The following ZFYVE16 variants were observed in gnomAD, a reference collection of about 807,000 sequenced individuals.
ZFYVE16 encodes the protein zinc finger FYVE domain-containing protein 16.
Under a neutral mutation model 138.1 loss-of-function variants are expected in ZFYVE16, and 89 were observed. That is an observed-to-expected ratio of 0.64 (90% CI 0.54 to 0.77). The LOEUF (loss-of-function observed/expected upper bound fraction) is 0.77. ZFYVE16 is among the 30% of genes least tolerant of loss of function. ZFYVE16 has a pLI of 0.00. For synonymous variants in ZFYVE16, 596 were observed against 618.3 expected (o/e 0.96, Z 0.53); for missense variants, 1,793 against 1,786.7 (o/e 1.00, Z -0.06).
chr5:80,450,586 G>C lies in ZFYVE16; in HGVS notation c.3382G>C (p.Gly1128Arg). The C allele has an allele frequency of 1.9e-6, 3 of 1,612,482 alleles. No homozygotes were observed. Among genetic ancestry groups the C allele is most frequent in the Non-Finnish European group, 2.5e-6 (3 of 1,179,368 alleles). ...FITIYKDALK[G>R]KYIENLDNIT... ...CACCATATATAAGGATGCTCTAAAA[G>C]GTATGGCATTTTATTTTGAACTGTT... The change falls in exon 10 of 19, where the codon GGA (glycine) becomes CGA (arginine). Residue 1128 changes from glycine (G) to arginine (R), a missense_variant and splice_region_variant. Transcript: ENST00000505560.
chr5:80,445,245 T>C lies in ZFYVE16; in HGVS notation c.2582-18T>C, dbSNP rs373666928. ...ATATTACCAGATTCAAATGTTTTAC[T>C]TTTTCAATTGATTCTAGGACTATGT... On this transcript the variant is annotated intron_variant, in intron 6 of 18. Coordinates refer to ENST00000505560, the MANE Select transcript of ZFYVE16 (RefSeq NM_001284236.3). 3.7e-6 allele frequency: 6 copies of C among 1,603,536 alleles called. No individual in the cohort carries two copies. Among genetic ancestry groups the C allele is most frequent in the Non-Finnish European group, 5.1e-6 (6 of 1,176,412 alleles).
At chr5:80,422,240 C>G (rs917643284) in intron 1 of ZFYVE16, among the ~76,000 whole-genome samples, 3 of 152,048 alleles carry the variant, frequency 2.0e-5, no homozygotes, top group Non-Finnish European at 4.4e-5. Flanking sequence ...CTTTTCTTGT[C>G]TTATTGCGCT....
Position 80,477,260 on chromosome 5 carries a change from G to A in ZFYVE16, c.4503G>A (p.Gln1501=), listed in dbSNP as rs1372514403. The A allele has an allele frequency of 6.2e-6, 10 of 1,604,818 alleles. No homozygotes were observed. Among genetic ancestry groups the A allele is most frequent in the Non-Finnish European group, 8.5e-6 (10 of 1,177,532 alleles). ...GATCTGAAGGCCAACTTCTGCCTCA[G>A]CATTATCTAAATGATCTTGATAGTG... ...QAGSEGQLLP[Q]HYLNDLDSAL... The change falls in exon 19 of 19, where the codon CAG becomes CAA. Residue 1501 remains glutamine, a synonymous_variant. Transcript: ENST00000505560.
chr5:80,455,827 G>A, intron 12 of ZFYVE16, 53 bp downstream of exon 12: 2 of 1,426,252 alleles, frequency 1.4e-6, no homozygotes, highest in Non-Finnish European at 1.9e-6. Flanking sequence ...CTTTAAAACT[G>A]TATTTAGCAA....
intron 11 of ZFYVE16, among the ~76,000 whole-genome samples, chr5:80,453,522 A>C (rs1752198772): frequency 6.6e-6 from 1 of 152,196 alleles, no homozygotes; most frequent in South Asian, 2.1e-4. Context: ...GGCTTATCAT[A>C]AATCACGGGG....
At chr5:80,436,160 G>A (rs1749875104) in intron 3 of ZFYVE16, among the ~76,000 whole-genome samples, 1 of 152,292 alleles carries the variant, frequency 6.6e-6, no homozygotes, top group African/African-American at 2.4e-5. Flanking sequence ...CAAATTTGGA[G>A]TAACAGGAGA....
rs761566003 is a variant in ZFYVE16 at position 80,448,293 on chromosome 5, T to C, written c.2992T>C (p.Tyr998His). ...SNLPIASISD[Y>H]RLLCDINKYV... ...TTTACCTATTGCTAGTATTTCAGAT[T>C]ATAGGTTACTGTGTGATATTAACAA... Residue 998 changes from tyrosine to histidine, a missense_variant, in exon 8 of 19, where the codon TAT becomes CAT. By Grantham distance (83) the Tyr-to-His change is moderately conservative (BLOSUM62 2). Coordinates refer to ENST00000505560, the MANE Select transcript of ZFYVE16 (RefSeq NM_001284236.3). 1.2e-6 allele frequency: 2 copies of C among 1,613,284 alleles called. No homozygotes were observed. Among genetic ancestry groups the C allele is most frequent in the Non-Finnish European group, 1.7e-6 (2 of 1,179,906 alleles).
intron 1 of ZFYVE16, among the ~76,000 whole-genome samples, chr5:80,424,291 AT>A (rs1747677106): frequency 6.6e-6 from 1 of 152,120 alleles, no homozygotes; most frequent in Non-Finnish European, 1.5e-5. Flanking sequence ...CCTTGCTTGA[AT>A]TTTAAGATTT....
intron 15 of ZFYVE16, among the ~76,000 whole-genome samples, chr5:80,472,099 A>G (rs2112547500): frequency 6.6e-6 from 1 of 152,120 alleles, no homozygotes; most frequent in Middle Eastern, 3.4e-3. Context: ...TTTAAGCCTC[A>G]TCTAGTCTCA....
chr5:80,443,337 T>G (rs1434002416), intron 6 of ZFYVE16, 53 bp downstream of exon 6: 2 of 1,560,830 alleles, frequency 1.3e-6, no homozygotes, highest in African/African-American at 2.8e-5. Flanking sequence ...GAAATAGAAA[T>G]TCTCTAATGT....
chr5:80,446,422 A>T (rs912365002), intron 7 of ZFYVE16, among the ~76,000 whole-genome samples: 13 of 152,074 alleles, frequency 8.5e-5, no homozygotes, highest in African/African-American at 7.2e-5. Context: ...TTTATGAAAA[A>T]TTTTTTTCAG....
intron 16 of ZFYVE16, 115 bp from the exon 17 acceptor site, chr5:80,473,639 A>G: frequency 1.6e-6 from 1 of 640,608 alleles, no homozygotes; most frequent in Non-Finnish European, 2.6e-6. Context: ...TTTTGTATAT[A>G]ATTGACATAT....
At chr5:80,451,072 A>G (rs1226486292) in intron 10 of ZFYVE16, among the ~76,000 whole-genome samples, 2 of 152,144 alleles carry the variant, frequency 1.3e-5, no homozygotes, top group Non-Finnish European at 2.9e-5. Flanking sequence ...TCAGTCTCCC[A>G]AAGTGCTGGG....
intron 10 of ZFYVE16, among the ~76,000 whole-genome samples, chr5:80,451,091 C>CA (rs1459963132): frequency 1.3e-5 from 2 of 152,160 alleles, no homozygotes; most frequent in African/African-American, 4.8e-5. Context: ...GGATTACAGG[C>CA]ATGAGCCACT....
At chr5:80,455,807 T>C (rs1752471737) in intron 12 of ZFYVE16, 33 bp downstream of exon 12, 1 of 1,515,396 alleles carries the variant, frequency 6.6e-7, no homozygotes, top group African/African-American at 1.4e-5. Context: ...TAGGTATTTT[T>C]ATACTGTTAC....
At chr5:80,441,394 G>A in intron 5 of ZFYVE16, 3 of 985,294 alleles carry the variant, frequency 3.0e-6, no homozygotes, top group Non-Finnish European at 3.6e-6. Context: ...AGCTTATTTA[G>A]TTATCTGTTC....
chr5:80,455,519 G>A (rs1265067936), intron 11 of ZFYVE16, 173 bp from the exon 12 acceptor site: 5 of 573,436 alleles, frequency 8.7e-6, no homozygotes, highest in Non-Finnish European at 1.5e-5. Flanking sequence ...GGGCAACAGA[G>A]TGAGACCTTG....
chr5:80,441,814 G>C (rs1750741087), intron 5 of ZFYVE16: 1 of 985,300 alleles, frequency 1.0e-6, no homozygotes, highest in Non-Finnish European at 1.2e-6. Flanking sequence ...ACTTGAGGAA[G>C]ATTGTTTTAG....
At position 80,459,468 on chromosome 5, in the gene ZFYVE16, T is replaced by G. The variant is rs1752883368; in HGVS notation, c.3998T>G (p.Phe1333Cys). ...FNGALKTSSG[F>C]LAKSSIVEDG... ...GGAGCTCTAAAAACATCTTCAGGATTTCTTGCTAAGTCCAGCATAGTTGAA... is the reference window on the plus strand; with the variant it reads ...GGAGCTCTAAAAACATCTTCAGGATGTCTTGCTAAGTCCAGCATAGTTGAA... Residue 1333 changes from phenylalanine to cysteine, a missense_variant, in exon 15 of 19, where the codon TTT becomes TGT. Transcript: ENST00000505560. The G allele has an allele frequency of 1.2e-6, 2 of 1,613,024 alleles. No homozygotes were observed. The highest frequency in any genetic ancestry group is 1.1e-5 in the South Asian group (1 of 90,874).
Sources: gnomAD v4.1 joint callset for allele counts (sites outside exome capture counted in the v4.1 genomes callset) on GRCh38, gnomAD v4.1.1 for gene constraint, MANE v1.5 for transcripts, NCBI Gene and HGNC (gene_info 2026-07-23, HGNC 2026-07-21) for gene names.